Variants in SCUBE1 observed in about 807,000 individuals in gnomAD.
The protein encoded by SCUBE1 is signal peptide, CUB domain and EGF like domain containing 1.
SCUBE1 carries 59 observed loss-of-function variants against 124.4 expected under a neutral mutation model. That is an observed-to-expected ratio of 0.47 (90% CI 0.38 to 0.59). The LOEUF is 0.59. Among genes scored for constraint, SCUBE1 ranks in the 20% least tolerant of loss-of-function variants. SCUBE1 has a pLI of 0.00. For synonymous variants in SCUBE1, 545 were observed against 550.9 expected, an observed-to-expected ratio of 0.99 and a Z score of 0.15; for missense variants, 1,150 against 1,371.2, an observed-to-expected ratio of 0.84 and a Z score of 2.55.
At chr22:43,311,019 TC>T (rs141427726) in intron 3 of SCUBE1, among the ~76,000 whole-genome samples, 1,742 of 152,318 alleles carry the variant, frequency 0.011, 33 homozygotes, top group African/African-American at 0.04. Flanking sequence ...GCTCAAGTGA[TC>T]CTCCTACCTT....
chr22:43,238,465 C>T (rs181375472), intron 7 of SCUBE1: 19 of 558,398 alleles, frequency 3.4e-5, no homozygotes, highest in Admixed American at 1.6e-4. Context: ...TTCGGAAACG[C>T]GCTACATTCT....
Position 43,339,111 on chromosome 22 carries a change from C to T in SCUBE1, c.213G>A (p.Gln71=), listed in dbSNP as rs1289403786. The part of the protein sequence containing the change: ...CKPGYKGEGK[Q]CEDIDECEND... ...GGGCCGGGCTGGACTCACCTTCACA[C>T]TGCTTGCCTTCCCCCTTGTAGCCTG... The change falls in exon 2 of 22, where the codon CAG becomes CAA. Residue 71 remains glutamine, a synonymous_variant. Coordinates refer to ENST00000360835, the MANE Select transcript of SCUBE1 (RefSeq NM_173050.5). The T allele has an allele frequency of 6.2e-7, 1 of 1,613,788 alleles. No homozygotes were observed. The highest frequency in any genetic ancestry group is 2.2e-5 in the East Asian group (1 of 44,880).
rs1680388669 is a variant in SCUBE1 at position 43,210,290 on chromosome 22, CCCTGGCCGGCCAGGCCTCTAACCA to C, written c.2384-74_2384-51del. On this transcript the variant is annotated intron_variant, in intron 18 of 21. Coordinates refer to ENST00000360835, the MANE Select transcript of SCUBE1 (RefSeq NM_173050.5). This position sits in a 1 kb window ranked among gnomAD's most constrained non-coding sequence, Gnocchi z 4.5. ...CTCATCAGGCTCTGCTGGGCAGGGG[CCCTGGCCGGCCAGGCCTCTAACCA>C]CCTGGGAGGCCTAGGGCAGGGCTGG... The C allele has an allele frequency of 2.1e-6, 3 of 1,452,274 alleles. No individual in the cohort carries two copies. The highest frequency in any genetic ancestry group is 1.8e-6 in the Non-Finnish European group (2 of 1,103,208). 90.0% of individuals were successfully genotyped at this position (1,452,274 alleles called of 1,614,324 possible). A position where few individuals can be genotyped will look rare whatever the true frequency, so the allele number is the denominator to read the frequency against.
At chr22:43,293,138 C>A (rs1298769281) in intron 3 of SCUBE1, among the ~76,000 whole-genome samples, 1 of 152,228 alleles carries the variant, frequency 6.6e-6, no homozygotes, top group Non-Finnish European at 1.5e-5. Flanking sequence ...GCCATGTCTG[C>A]CCCTGGGGTC....
chr22:43,252,010 T>C (rs1037776367), intron 6 of SCUBE1, among the ~76,000 whole-genome samples: 1 of 152,230 alleles, frequency 6.6e-6, no homozygotes, highest in African/African-American at 2.4e-5. Flanking sequence ...GTCTCCCAGA[T>C]AATTGAAATT....
At position 43,227,489 on chromosome 22, in the gene SCUBE1, G is replaced by A. The variant is rs747823454; in HGVS notation, c.1092C>T (p.Asp364=). Residue 364 remains aspartate (D), a synonymous_variant, in exon 10 of 22, where the codon GAC becomes GAT. Transcript: ENST00000360835. ...AGCTCCCGTTGCTCATGCTGCACTC[G>A]TCCACATCTGGAAGCACAGCGGGCG... ...LYGTTHCGDV[D]ECSMSNGSCD... is the part of the protein sequence containing the mutation. The A allele has an allele frequency of 3.2e-5, 51 of 1,611,978 alleles. No individual in the cohort carries two copies. The highest frequency in any genetic ancestry group is 1.6e-4 in the Middle Eastern group (1 of 6,076).
intron 4 of SCUBE1, among the ~76,000 whole-genome samples, chr22:43,265,775 T>A (rs988282186): frequency 2.2e-4 from 34 of 152,250 alleles, no homozygotes; most frequent in African/African-American, 8.0e-4. Flanking sequence ...TTACATTTAC[T>A]TATTAACTTA....
chr22:43,311,713 T>C (rs775005467), intron 3 of SCUBE1, among the ~76,000 whole-genome samples: 13 of 152,030 alleles, frequency 8.6e-5, no homozygotes, highest in Non-Finnish European at 1.9e-4. Flanking sequence ...AGGCATGAGT[T>C]ACTGTGCCTG....
In SCUBE1 at chr22:43,200,826, C is replaced by T. The variant is rs1920990039; in HGVS notation, c.*3171G>A. 6.6e-6 allele frequency: 1 copy of T among 152,340 alleles called. No homozygotes were observed. The highest frequency in any genetic ancestry group is 1.5e-5 in the Non-Finnish European group (1 of 68,112). 9.4% of individuals were successfully genotyped at this position (152,340 alleles called of 1,614,324 possible). On this transcript the variant is annotated 3_prime_UTR_variant, in exon 22 of 22. Coordinates refer to ENST00000360835, the MANE Select transcript of SCUBE1 (RefSeq NM_173050.5). ...TGGGCCTCGTCTGCACCTGCCCATC[C>T]AACTTTGCCCTGGGCACACTGGGCA...
At chr22:43,240,601 CA>C (rs374998905) in intron 6 of SCUBE1, among the ~76,000 whole-genome samples, 130 of 152,312 alleles carry the variant, frequency 8.5e-4, no homozygotes, top group African/African-American at 3.1e-3. Context: ...CTCAGGCAGC[CA>C]ACCCCTTGGG....
At chr22:43,216,191 C>T (rs568552482) in intron 15 of SCUBE1, among the ~76,000 whole-genome samples, 4 of 151,848 alleles carry the variant, frequency 2.6e-5, no homozygotes, top group East Asian at 2.0e-4. Flanking sequence ...GGATTGCAGG[C>T]GCTCGCCACC....
rs553180870 is a variant in SCUBE1 at position 43,224,927 on chromosome 22, T to C, written c.1208-1711A>G. On this transcript the variant is annotated intron_variant, in intron 10 of 21. Transcript: ENST00000360835. ...TCCTGGTAAATGGCAAACTGCCCCC[T>C]ACTCACCACAAAACCTAAACAGCGA... Among the ~76,000 whole-genome samples the C allele has an allele frequency of 5.3e-5, 8 of 152,282 alleles. No homozygotes were observed. The East Asian group carries it at 1.5e-3, about 29-fold the overall frequency.
intron 3 of SCUBE1, chr22:43,318,102 T>C (rs1926413707): frequency 6.6e-6 from 1 of 152,202 alleles, no homozygotes; most frequent in Admixed American, 6.5e-5. Flanking sequence ...ATTTCTGTTA[T>C]TTAAGCCCTA....
chr22:43,322,699 T>C (rs1192175415), intron 2 of SCUBE1, among the ~76,000 whole-genome samples: 1 of 152,134 alleles, frequency 6.6e-6, no homozygotes, highest in Non-Finnish European at 1.5e-5. Context: ...TGGTCCTAAC[T>C]CTGGGGGTGG....
In SCUBE1 at chr22:43,212,596, A is replaced by C. The variant is rs1362573930; in HGVS notation, c.2054-4T>G. 2.6e-6 allele frequency: 4 copies of C among 1,562,016 alleles called. No individual in the cohort carries two copies. The Admixed American group carries it at 7.6e-5, about 30-fold the overall frequency. On this transcript the variant is annotated splice_polypyrimidine_tract_variant and splice_region_variant and intron_variant, in intron 16 of 21. Transcript: ENST00000360835. ...AAGAAGCCTGGAGAACACTGGCCTG[A>C]AAGTCAGAGGTCATGGCTCAGGCGG...
rs1015372520 is a variant in SCUBE1 at position 43,204,219 on chromosome 22, T to C, written c.2815-70A>G. ...TAGGGTCTGTGGGGTGTTGCCAGGC[T>C]GGGGGAGGGGAGAGAGATGCGCTGG... On this transcript the variant is annotated intron_variant, in intron 21 of 21. Transcript: ENST00000360835. 3 of 1,440,044 alleles carry C rather than the reference T, an allele frequency of 2.1e-6. No individual in the cohort carries two copies. The African/African-American group carries it at 4.2e-5, about 20-fold the overall frequency. 89.2% of individuals were successfully genotyped at this position (1,440,044 alleles called of 1,614,324 possible).
At chr22:43,266,687 C>T (rs767808776) in intron 4 of SCUBE1, among the ~76,000 whole-genome samples, 1 of 152,184 alleles carries the variant, frequency 6.6e-6, no homozygotes, top group South Asian at 2.1e-4. Context: ...ACCTGTGGGA[C>T]CCAGATGGCT....
At position 43,210,001 on chromosome 22, in the gene SCUBE1, C is replaced by A; in HGVS notation, c.2581+42G>T. ...AACCGCAGCGAGACGGGGGTGCACA[C>A]GCAGCTGAGGCTGCCTCTGGTCCCC... On this transcript the variant is annotated intron_variant, in intron 19 of 21. Coordinates refer to ENST00000360835, the MANE Select transcript of SCUBE1 (RefSeq NM_173050.5). This position sits in a 1 kb window ranked among gnomAD's most constrained non-coding sequence, Gnocchi z 4.5. 6.5e-7 allele frequency: 1 copy of A among 1,544,500 alleles called. No homozygotes were observed. Among genetic ancestry groups the A allele is most frequent in the Non-Finnish European group, 8.8e-7 (1 of 1,140,250 alleles).
At position 43,202,372 on chromosome 22, in the gene SCUBE1, CTG is replaced by C. The variant is rs1393275527; in HGVS notation, c.*1623_*1624del. ...CCTAGAGGCAACTTCGAGCTGAAGA[CTG>C]GAGTTCATTTTCAGATTCTCCCAGG... On this transcript the variant is annotated 3_prime_UTR_variant, in exon 22 of 22. Coordinates refer to ENST00000360835, the MANE Select transcript of SCUBE1 (RefSeq NM_173050.5). The C allele has an allele frequency of 6.6e-6, 1 of 152,228 alleles. No homozygotes were observed. Among genetic ancestry groups the C allele is most frequent in the African/African-American group, 2.4e-5 (1 of 41,440 alleles). The allele number at this position is 152,228 out of a possible 1,614,324, so 9.4% of individuals were successfully genotyped here. A position where few individuals can be genotyped will look rare whatever the true frequency, so the allele number is the denominator to read the frequency against.
Sources: allele counts gnomAD v4.1 joint callset (sites outside exome capture counted in the v4.1 genomes callset), GRCh38; gene constraint gnomAD v4.1.1; non-coding constraint Gnocchi (gnomAD v3.1); transcripts MANE v1.5; gene names NCBI Gene and HGNC (gene_info 2026-07-23, HGNC 2026-07-21).